Variants in WDR25 observed in about 807,000 individuals in gnomAD.
WDR25 encodes the protein WD repeat domain 25, also known as WD repeat-containing protein 25.
Under a neutral mutation model 47.7 loss-of-function variants are expected in WDR25, and 35 were observed. The observed-to-expected ratio is 0.73, with a 90% CI of 0.56 to 0.97. The LOEUF (loss-of-function observed/expected upper bound fraction) is 0.97, where lower values mean the gene tolerates loss of function less well. Ranked by LOEUF, WDR25 falls within the 50% of genes least tolerant of loss-of-function variation. The probability of loss-of-function intolerance (pLI) is 0.00; values close to 1 mark genes in which losing one functional copy is unlikely to be tolerated. For missense variants in WDR25, 634 were observed against 704.7 expected (o/e 0.90, Z 1.14); for synonymous variants, 248 against 278.9 (o/e 0.89, Z 1.10).
At chr14:100,389,874 C>T (rs575786550) in intron 2 of WDR25, among the ~76,000 whole-genome samples, 7 of 152,310 alleles carry the variant, frequency 4.6e-5, no homozygotes, top group Non-Finnish European at 1.0e-4. Flanking sequence ...GAGGGCCATA[C>T]AGAGATGAGC....
chr14:100,448,077 C>T (rs959265662), intron 2 of WDR25, among the ~76,000 whole-genome samples: 2 of 151,970 alleles, frequency 1.3e-5, no homozygotes, highest in African/African-American at 4.8e-5. Context: ...TGCCTGTAAT[C>T]CCAGCTACTC....
At chr14:100,414,313 C>CT (rs1202018412) in intron 2 of WDR25, among the ~76,000 whole-genome samples, 2,331 of 102,850 alleles carry the variant, frequency 0.023, 86 homozygotes, top group African/African-American at 0.063. Flanking sequence ...AGAGGTAGTT[C>CT]TTTTTTTTTT....
At chr14:100,473,429 C>G (rs1370389373) in intron 3 of WDR25, among the ~76,000 whole-genome samples, 1 of 152,176 alleles carries the variant, frequency 6.6e-6, no homozygotes, top group Non-Finnish European at 1.5e-5. Flanking sequence ...GTCTGTTTCC[C>G]TGCTGTGAAC....
chr14:100,460,900 G>A (rs1009686363), intron 2 of WDR25, among the ~76,000 whole-genome samples: 1 of 152,166 alleles, frequency 6.6e-6, no homozygotes, highest in Non-Finnish European at 1.5e-5. Context: ...CTGCCTTTAT[G>A]TGCAGATAAC....
chr14:100,418,094 A>C, intron 2 of WDR25, among the ~76,000 whole-genome samples: 1 of 150,996 alleles, frequency 6.6e-6, no homozygotes, highest in African/African-American at 2.4e-5. Flanking sequence ...GGCACCAACC[A>C]CCACGCCTGG....
chr14:100,514,889 G>A lies in WDR25; in HGVS notation c.1102-10981G>A, dbSNP rs144167121. Among the ~76,000 whole-genome samples the A allele has an allele frequency of 9.7e-3, 1,464 of 151,654 alleles. 19 individuals are homozygous for A. The highest frequency in any genetic ancestry group is 0.033 in the African/African-American group (1,374 of 41,318). ...TCCTTTAACATTTCCTGTATTTTTG[G>A]TCTGCTAGTGATAAATTATTTCAGC... On this transcript the variant is annotated intron_variant, in intron 4 of 6. Transcript: ENST00000402312.
chr14:100,522,149 A>G (rs1260710476), intron 4 of WDR25, among the ~76,000 whole-genome samples: 1 of 152,158 alleles, frequency 6.6e-6, no homozygotes, highest in East Asian at 1.9e-4. Context: ...TGCCTGTAAT[A>G]GAAGTTGTAA....
intron 2 of WDR25, among the ~76,000 whole-genome samples, chr14:100,434,329 C>G (rs912921035): frequency 1.3e-5 from 2 of 152,198 alleles, no homozygotes; most frequent in East Asian, 1.9e-4. Context: ...GTCACTCCCC[C>G]CTCCAACAGT....
At chr14:100,473,688 C>T (rs1899921158) in intron 3 of WDR25, among the ~76,000 whole-genome samples, 1 of 152,140 alleles carries the variant, frequency 6.6e-6, no homozygotes, top group African/African-American at 2.4e-5. Flanking sequence ...CAAATGAAAA[C>T]CATGGCAAAG....
intron 2 of WDR25, among the ~76,000 whole-genome samples, chr14:100,463,894 A>G (rs1008127923): frequency 2.6e-5 from 4 of 152,176 alleles, no homozygotes; most frequent in Admixed American, 2.0e-4. Context: ...AAGGCAGGCC[A>G]CTTCTCTACT....
At chr14:100,445,241 G>A (rs555588947) in intron 2 of WDR25, among the ~76,000 whole-genome samples, 2 of 152,248 alleles carry the variant, frequency 1.3e-5, no homozygotes, top group Admixed American at 6.5e-5. Flanking sequence ...TAGGGGATTC[G>A]GTTACACTTT....
At chr14:100,398,349 T>C (rs79814565) in intron 2 of WDR25, among the ~76,000 whole-genome samples, 2,630 of 152,302 alleles carry the variant, frequency 0.017, 35 homozygotes, top group Non-Finnish European at 0.028. Flanking sequence ...TTCCTTGTAA[T>C]GTTTCAGCCA....
rs1184827217 is a variant in WDR25, at chr14:100,530,088, C to G, written c.*47C>G. ...CCGATGCCAGCTGGGCTCTTGGACTCCCCTCTTCCTCAAGGGTAGATGAGA... is the reference window on the plus strand; with the variant it reads ...CCGATGCCAGCTGGGCTCTTGGACTGCCCTCTTCCTCAAGGGTAGATGAGA... On this transcript the variant is annotated 3_prime_UTR_variant, in exon 7 of 7. Coordinates refer to ENST00000402312, the MANE Select transcript of WDR25 (RefSeq NM_001161476.3). The G allele has an allele frequency of 6.4e-7, 1 of 1,563,318 alleles. No homozygotes were observed. Among genetic ancestry groups the G allele is most frequent in the South Asian group, 1.2e-5 (1 of 84,280 alleles).
At chr14:100,384,806 C>G (rs936830216) in intron 2 of WDR25, among the ~76,000 whole-genome samples, 11 of 152,088 alleles carry the variant, frequency 7.2e-5, no homozygotes, top group African/African-American at 1.4e-4. Context: ...GTCTTCTGGG[C>G]CCCTGCTGGA....
intron 2 of WDR25, chr14:100,455,561 A>G (rs1026492418): frequency 6.6e-6 from 1 of 152,170 alleles, no homozygotes; most frequent in African/African-American, 2.4e-5. Flanking sequence ...AATCCCAAAC[A>G]TGTAAATTGC....
chr14:100,402,350 T>C (rs572962303), intron 2 of WDR25, among the ~76,000 whole-genome samples: 18 of 152,066 alleles, frequency 1.2e-4, no homozygotes, highest in African/African-American at 4.1e-4. Context: ...CACTTTTCTT[T>C]GTTATTGCTT....
At chr14:100,439,133 C>T (rs950901791) in intron 2 of WDR25, among the ~76,000 whole-genome samples, 4 of 152,232 alleles carry the variant, frequency 2.6e-5, no homozygotes, top group African/African-American at 9.6e-5. Flanking sequence ...TCCTTTCTGA[C>T]CCTCCCTGCA....
At position 100,392,769 on chromosome 14, in the gene WDR25, T is replaced by G. The variant is rs1230403440; in HGVS notation, c.822+11023T>G. ...TAACTGTAATTTACTTAGCCGCCCT[T>G]GGACACTTAGGTGGTTTCTAATTTT... On this transcript the variant is annotated intron_variant, in intron 2 of 6. Coordinates refer to ENST00000402312, the MANE Select transcript of WDR25 (RefSeq NM_001161476.3). This position sits in a 1 kb window ranked among gnomAD's most constrained non-coding sequence, Gnocchi z 4.2. Among the ~76,000 whole-genome samples, 1 of 152,190 alleles carries G rather than the reference T, an allele frequency of 6.6e-6. No homozygotes were observed. Among genetic ancestry groups the G allele is most frequent in the Non-Finnish European group, 1.5e-5 (1 of 68,030 alleles).
chr14:100,447,050 G>A (rs1297307410), intron 2 of WDR25, among the ~76,000 whole-genome samples: 1 of 152,180 alleles, frequency 6.6e-6, no homozygotes, highest in Non-Finnish European at 1.5e-5. Context: ...TTGAAGTAAT[G>A]TAATTATACA....
Sources: allele counts gnomAD v4.1 joint callset (sites outside exome capture counted in the v4.1 genomes callset), GRCh38; gene constraint gnomAD v4.1.1; non-coding constraint Gnocchi (gnomAD v3.1); transcripts MANE v1.5; gene names NCBI Gene and HGNC (gene_info 2026-07-23, HGNC 2026-07-21).